The following STEAP3 variants were observed in gnomAD, a reference collection of about 807,000 sequenced individuals.
STEAP3 encodes the protein metalloreductase STEAP3.
A neutral mutation model predicts 34.9 loss-of-function variants in STEAP3; 35 were observed. The observed-to-expected ratio is 1.00, with a 90% CI of 0.76 to 1.33. STEAP3 has a LOEUF of 1.33. Among genes scored for constraint, STEAP3 ranks in the 40% most tolerant of loss-of-function variants. STEAP3 has a pLI of 0.00. For synonymous variants in STEAP3, 281 were observed against 301.6 expected, an observed-to-expected ratio of 0.93 and a Z score of 0.71; for missense variants, 652 against 667.6, an observed-to-expected ratio of 0.98 and a Z score of 0.26.
intron 1 of STEAP3, among the ~76,000 whole-genome samples, chr2:119,224,534 G>T (rs1164344115): frequency 6.6e-6 from 1 of 152,230 alleles, no homozygotes; most frequent in Non-Finnish European, 1.5e-5. Context: ...GCCCGGAGAG[G>T]TGTGGTTGGA....
intron 1 of STEAP3, among the ~76,000 whole-genome samples, chr2:119,229,766 G>T (rs114834040): frequency 2.0e-5 from 3 of 152,104 alleles, no homozygotes; most frequent in Non-Finnish European, 4.4e-5. Context: ...GGGCCAGGAG[G>T]TTGTCAAGAT....
At chr2:119,236,924 T>C (rs113848870) in intron 2 of STEAP3, among the ~76,000 whole-genome samples, 2,183 of 152,304 alleles carry the variant, frequency 0.014, 63 homozygotes, top group South Asian at 0.091. Context: ...GAGAACAGTT[T>C]AGCCCAAGGC....
Position 119,248,080 on chromosome 2 carries a change from G to T in STEAP3, c.924G>T (p.Trp308Cys). The part of the protein sequence containing the change: ...YQRFPDWLDH[W>C]LQHRKQIGLL... The stretch of plus-strand genomic sequence containing the variant: ...GCTTCCCCGACTGGCTGGACCACTG[G>T]CTACAGCACCGCAAGCAGATCGGGC... Residue 308 changes from tryptophan to cysteine, a missense_variant, in exon 4 of 6, where the codon TGG becomes TGT. Physicochemically the swap from Trp to Cys is radical, Grantham distance 215. Coordinates refer to ENST00000393110, the MANE Select transcript of STEAP3 (RefSeq NM_182915.3). 1 of 1,608,418 alleles carries T rather than the reference G, an allele frequency of 6.2e-7. No individual in the cohort carries two copies.
At chr2:119,257,587 C>T (rs528790808) in intron 5 of STEAP3, 49 of 1,538,706 alleles carry the variant, frequency 3.2e-5, no homozygotes, top group Admixed American at 1.4e-4. Context: ...TTCTGCTGCT[C>T]ACTTGTGCCT....
chr2:119,263,504 TAC>T lies in STEAP3; in HGVS notation c.*172_*173del, dbSNP rs34749981. 862 of 831,180 alleles carry T rather than the reference TAC, an allele frequency of 1.0e-3. 8 individuals carry two copies. The East Asian group carries it at 0.02, about 19-fold the overall frequency. 51.5% of individuals were successfully genotyped at this position (831,180 alleles called of 1,614,324 possible). On this transcript the variant is annotated 3_prime_UTR_variant, in exon 6 of 6. Coordinates refer to ENST00000393110, the MANE Select transcript of STEAP3 (RefSeq NM_182915.3). ...GTATGCAGTACTATTCAGAATGATATACACACATATGTGTATATGTATTTACA... is the reference window on the plus strand; with the variant it reads ...GTATGCAGTACTATTCAGAATGATATACACATATGTGTATATGTATTTACA...
At chr2:119,227,652 A>G (rs1391913708) in intron 1 of STEAP3, among the ~76,000 whole-genome samples, 1 of 152,136 alleles carries the variant, frequency 6.6e-6, no homozygotes, top group African/African-American at 2.4e-5. Context: ...CCCCAAGATT[A>G]TAAAGCCGAC....
chr2:119,239,183 A>C (rs1677171904), intron 2 of STEAP3, among the ~76,000 whole-genome samples: 1 of 152,198 alleles, frequency 6.6e-6, no homozygotes, highest in African/African-American at 2.4e-5. Flanking sequence ...GAAGATACTC[A>C]GAGTAGACCC....
intron 1 of STEAP3, among the ~76,000 whole-genome samples, chr2:119,227,844 T>TTTA (rs1679090441): frequency 4.2e-5 from 2 of 47,188 alleles, no homozygotes; most frequent in East Asian, 8.1e-4. Context: ...TTATTTATTT[T>TTTA]TTGGAGACAG....
chr2:119,228,532 G>A (rs1013819393), intron 1 of STEAP3, among the ~76,000 whole-genome samples: 7 of 152,336 alleles, frequency 4.6e-5, no homozygotes, highest in African/African-American at 1.7e-4. Context: ...CTGGCCCTTG[G>A]AGATGTCTCT....
intron 5 of STEAP3, among the ~76,000 whole-genome samples, chr2:119,261,268 G>A (rs144785846): frequency 7.0e-4 from 107 of 152,232 alleles, no homozygotes; most frequent in African/African-American, 2.5e-3. Flanking sequence ...CGAGGCTCTG[G>A]ATTGATGCCA....
At chr2:119,258,308 T>TA (rs1677835002) in intron 5 of STEAP3, among the ~76,000 whole-genome samples, 1 of 152,174 alleles carries the variant, frequency 6.6e-6, no homozygotes, top group Non-Finnish European at 1.5e-5. Flanking sequence ...CAAGCTGTTT[T>TA]ATCAGCAAGG....
chr2:119,243,060 A>T (rs939147324), intron 2 of STEAP3, among the ~76,000 whole-genome samples: 1 of 152,338 alleles, frequency 6.6e-6, no homozygotes, highest in South Asian at 2.1e-4. Flanking sequence ...GGGTGCCTGC[A>T]TGTCTGTGCA....
Position 119,225,145 on chromosome 2 carries a change from A to G in STEAP3, c.-394+1257A>G, listed in dbSNP as rs375360357. ...CACCTGCAAGGCTTGTTAAAAATATAGATCCCCAAGTCCCATCCGAAGCTG... is the reference window on the plus strand; with the variant it reads ...CACCTGCAAGGCTTGTTAAAAATATGGATCCCCAAGTCCCATCCGAAGCTG... On this transcript the variant is annotated intron_variant, in intron 1 of 5. Transcript: ENST00000393110. 7.2e-5 allele frequency among the ~76,000 whole-genome samples: 11 copies of G among 152,350 alleles called. No homozygotes were observed. In the East Asian group the frequency reaches 1.5e-3, roughly 21 times the overall value.
intron 4 of STEAP3, among the ~76,000 whole-genome samples, chr2:119,252,206 T>C (rs554650961): frequency 8.5e-5 from 13 of 152,382 alleles, no homozygotes; most frequent in African/African-American, 3.1e-4. Flanking sequence ...TGTTCCATGC[T>C]ACTCATTCCA....
chr2:119,237,586 A>G (rs1677127607), intron 2 of STEAP3, among the ~76,000 whole-genome samples: 1 of 152,232 alleles, frequency 6.6e-6, no homozygotes, highest in Non-Finnish European at 1.5e-5. Context: ...AAACCACAGC[A>G]GCCACCAACA....
At chr2:119,257,902 C>T (rs563353474) in intron 5 of STEAP3, among the ~76,000 whole-genome samples, 13 of 152,174 alleles carry the variant, frequency 8.5e-5, no homozygotes, top group Admixed American at 2.0e-4. Context: ...TTGGACCTCA[C>T]GCGAGAAAGA....
intron 5 of STEAP3, among the ~76,000 whole-genome samples, chr2:119,261,261 G>A (rs1190126776): frequency 6.6e-6 from 1 of 152,102 alleles, no homozygotes; most frequent in African/African-American, 2.4e-5. Flanking sequence ...TGTCAGCCGA[G>A]GCTCTGGATT....
intron 5 of STEAP3, chr2:119,257,526 C>T (rs563133030): frequency 1.3e-6 from 2 of 1,544,330 alleles, no homozygotes; most frequent in South Asian, 1.2e-5. Context: ...GTCCCAAGAC[C>T]CCCACTTACC....
At chr2:119,262,779 T>C (rs1677980239) in intron 5 of STEAP3, among the ~76,000 whole-genome samples, 1 of 152,206 alleles carries the variant, frequency 6.6e-6, no homozygotes, top group Non-Finnish European at 1.5e-5. Context: ...CATGGTCATA[T>C]AGTTATTGTA....
Sources: allele counts gnomAD v4.1 joint callset (sites outside exome capture counted in the v4.1 genomes callset), GRCh38; gene constraint gnomAD v4.1.1; transcripts MANE v1.5; gene names NCBI Gene and HGNC (gene_info 2026-07-23, HGNC 2026-07-21).